The following ADAMTS19 variants were observed in gnomAD, a reference collection of about 807,000 sequenced individuals.
The protein encoded by ADAMTS19 is A disintegrin and metalloproteinase with thrombospondin motifs 19.
ADAMTS19 carries 93 observed loss-of-function variants against 153.3 expected under a neutral mutation model. That is an observed-to-expected ratio of 0.61 (90% CI 0.51 to 0.72). The LOEUF is 0.72. Among genes scored for constraint, ADAMTS19 ranks in the 30% least tolerant of loss-of-function variants. The probability of loss-of-function intolerance (pLI) is 0.00; values close to 1 mark genes in which losing one functional copy is unlikely to be tolerated. For synonymous variants in ADAMTS19, 600 were observed against 556.6 expected (o/e 1.08, Z -1.10); for missense variants, 1,482 against 1,552.1 (o/e 0.95, Z 0.76).
At chr5:129,554,403 A>C (rs1447424414) in intron 7 of ADAMTS19, among the ~76,000 whole-genome samples, 1 of 152,118 alleles carries the variant, frequency 6.6e-6, no homozygotes, top group African/African-American at 2.4e-5. Context: ...CAGTCAGCAC[A>C]TGCCATTGCC....
chr5:129,706,384 A>T (rs953994080), intron 21 of ADAMTS19, among the ~76,000 whole-genome samples: 5 of 152,184 alleles, frequency 3.3e-5, no homozygotes, highest in Non-Finnish European at 7.3e-5. Context: ...AGCCTGGCCA[A>T]CATGGAGAAA....
intron 3 of ADAMTS19, among the ~76,000 whole-genome samples, chr5:129,518,009 C>A (rs559733241): frequency 2.6e-5 from 4 of 151,960 alleles, no homozygotes; most frequent in Non-Finnish European, 5.9e-5. Flanking sequence ...ATCTTATAAA[C>A]CATTATTTTA....
At chr5:129,491,655 C>G (rs540711673) in intron 2 of ADAMTS19, among the ~76,000 whole-genome samples, 11 of 152,236 alleles carry the variant, frequency 7.2e-5, no homozygotes, top group African/African-American at 2.6e-4. Context: ...TGTCATGAAA[C>G]AGTTTTACAT....
intron 21 of ADAMTS19, among the ~76,000 whole-genome samples, chr5:129,728,747 G>A (rs1757315991): frequency 6.6e-6 from 1 of 152,010 alleles, no homozygotes; most frequent in South Asian, 2.1e-4. Context: ...ATTGTGTTTT[G>A]TTAATAAATG....
At chr5:129,638,060 C>T (rs77369172) in intron 10 of ADAMTS19, among the ~76,000 whole-genome samples, 3,503 of 152,016 alleles carry the variant, frequency 0.023, 110 homozygotes, top group African/African-American at 0.074. Flanking sequence ...TTCAGTAACC[C>T]CCTAGGAAAC....
chr5:129,529,033 C>A (rs1268508072), intron 6 of ADAMTS19, among the ~76,000 whole-genome samples: 3 of 151,944 alleles, frequency 2.0e-5, no homozygotes, highest in African/African-American at 7.2e-5. Context: ...TATAAAGTAA[C>A]CTAATATGTT....
At position 129,528,630 on chromosome 5, in the gene ADAMTS19, C is replaced by T. The variant is rs1283912959; in HGVS notation, c.1281C>T (p.Asn427=). 1 of 1,603,986 alleles carries T rather than the reference C, an allele frequency of 6.2e-7. No individual in the cohort carries two copies. Among genetic ancestry groups the T allele is most frequent in the East Asian group, 2.3e-5 (1 of 44,162 alleles). The change falls in exon 6 of 23, where the codon AAC becomes AAT. Residue 427 remains asparagine (N), a synonymous_variant. Coordinates refer to ENST00000274487, the MANE Select transcript of ADAMTS19 (RefSeq NM_133638.6). ...KNDIHLEMST[N]WGEDMTSVDA... ...ATATACATTTAGAGATGTCAACAAA[C>T]TGGGGGGAAGACATGACTTCAGTGG...
rs146720020 is a variant in ADAMTS19 at position 129,476,024 on chromosome 5, T to A, written c.747+14267T>A. Reference sequence around the variant, plus strand: ...CTTAAACAATGCAAAACCGATTATTTTTTTTTCTCTGTGAAAATGATTATT... The same window carrying A: ...CTTAAACAATGCAAAACCGATTATTATTTTTTCTCTGTGAAAATGATTATT... On this transcript the variant is annotated intron_variant, in intron 2 of 22. Transcript: ENST00000274487. Among the ~76,000 whole-genome samples, 281 of 152,258 alleles carry A rather than the reference T, an allele frequency of 1.8e-3. 1 individual carries two copies. Among genetic ancestry groups the A allele is most frequent in the African/African-American group, 5.1e-3 (212 of 41,574 alleles).
intron 19 of ADAMTS19, among the ~76,000 whole-genome samples, chr5:129,699,415 T>A (rs1755724301): frequency 2.1e-5 from 3 of 139,568 alleles, no homozygotes; most frequent in Non-Finnish European, 4.6e-5. Flanking sequence ...ACAGTGAGAC[T>A]TCATCTCAAA....
chr5:129,734,858 C>T (rs770842672), intron 21 of ADAMTS19, 74 bp from the exon 22 acceptor site: 8 of 1,296,262 alleles, frequency 6.2e-6, no homozygotes, highest in Non-Finnish European at 7.2e-6. Context: ...GAGAATGTTC[C>T]CACACCCTAG....
At chr5:129,522,332 C>CACACACAT (rs1309115957) in intron 3 of ADAMTS19, among the ~76,000 whole-genome samples, 17 of 58,616 alleles carry the variant, frequency 2.9e-4, no homozygotes, top group African/African-American at 3.6e-4. Flanking sequence ...CACACACACA[C>CACACACAT]ATATATATAT....
At chr5:129,541,246 G>C (rs999660496) in intron 6 of ADAMTS19, among the ~76,000 whole-genome samples, 2 of 150,132 alleles carry the variant, frequency 1.3e-5, no homozygotes, top group South Asian at 2.1e-4. Flanking sequence ...GTGGTGGACT[G>C]TAAATGCCCT....
At chr5:129,618,142 T>A (rs2126971049) in intron 8 of ADAMTS19, among the ~76,000 whole-genome samples, 1 of 152,200 alleles carries the variant, frequency 6.6e-6, no homozygotes. Context: ...ACTTTCTACC[T>A]TCAACATCTT....
At chr5:129,699,955 A>G (rs1156354257) in intron 19 of ADAMTS19, among the ~76,000 whole-genome samples, 1 of 152,208 alleles carries the variant, frequency 6.6e-6, no homozygotes, top group Non-Finnish European at 1.5e-5. Flanking sequence ...GCTAATAAGT[A>G]TTATTTCAGG....
At chr5:129,587,881 T>C (rs2126900151) in intron 7 of ADAMTS19, among the ~76,000 whole-genome samples, 1 of 152,294 alleles carries the variant, frequency 6.6e-6, no homozygotes, top group East Asian at 1.9e-4. Context: ...CTTCTCAGTC[T>C]CTAGTTCTTG....
intron 21 of ADAMTS19, among the ~76,000 whole-genome samples, chr5:129,733,713 T>C (rs1214467896): frequency 6.6e-6 from 1 of 152,012 alleles, no homozygotes; most frequent in Admixed American, 6.6e-5. Flanking sequence ...AGTGAAAATG[T>C]AAATAAACAC....
chr5:129,482,263 A>G (rs779455631), intron 2 of ADAMTS19, among the ~76,000 whole-genome samples: 3 of 152,012 alleles, frequency 2.0e-5, no homozygotes, highest in Admixed American at 6.6e-5. Flanking sequence ...TTCACCCTCT[A>G]TCACGCATAA....
intron 9 of ADAMTS19, 89 bp downstream of exon 9, chr5:129,620,847 A>G: frequency 7.2e-7 from 1 of 1,395,072 alleles, no homozygotes; most frequent in Non-Finnish European, 9.8e-7. Context: ...GGCAAAGTGG[A>G]AAGGCCACCA....
chr5:129,636,393 T>C (rs1021856057), intron 10 of ADAMTS19, among the ~76,000 whole-genome samples: 2 of 152,230 alleles, frequency 1.3e-5, no homozygotes, highest in African/African-American at 4.8e-5. Flanking sequence ...AAATTTAAAA[T>C]AGGTTCTTCC....
Sources: gnomAD v4.1 joint callset for allele counts (sites outside exome capture counted in the v4.1 genomes callset) on GRCh38, gnomAD v4.1.1 for gene constraint, MANE v1.5 for transcripts, NCBI Gene and HGNC (gene_info 2026-07-23, HGNC 2026-07-21) for gene names.